ADARB2: variants seen among roughly 807,000 people sequenced by gnomAD.
ADARB2 encodes inactive double-stranded RNA-specific editase B2.
A neutral mutation model predicts 62.2 loss-of-function variants in ADARB2; 25 were observed. That is an observed-to-expected ratio of 0.40 (90% confidence interval 0.29 to 0.56). The LOEUF (loss-of-function observed/expected upper bound fraction) is 0.56. ADARB2 is among the 20% of genes least tolerant of loss of function. The pLI is 0.43. For missense variants in ADARB2, 1,071 were observed against 1,077.4 expected (o/e 0.99, Z 0.08); for synonymous variants, 572 against 500.8 (o/e 1.14, Z -1.90).
At chr10:1,532,823 C>T (rs1832265365) in intron 1 of ADARB2, among the ~76,000 whole-genome samples, 1 of 152,136 alleles carries the variant, frequency 6.6e-6, no homozygotes, top group Admixed American at 6.5e-5. Flanking sequence ...GTGCAGGTGC[C>T]CGCAGGCGAG....
At chr10:1,458,035 A>C (rs1001487174) in intron 1 of ADARB2, among the ~76,000 whole-genome samples, 33 of 151,982 alleles carry the variant, frequency 2.2e-4, no homozygotes, top group Non-Finnish European at 4.3e-4. Context: ...TAAATATCGA[A>C]GTTCCCCAAA....
intron 1 of ADARB2, among the ~76,000 whole-genome samples, chr10:1,520,594 C>T (rs1832061366): frequency 6.6e-6 from 1 of 152,144 alleles, no homozygotes; most frequent in Admixed American, 6.5e-5. Context: ...TTGCTAATCA[C>T]CAAACTTGCA....
chr10:1,419,142 G>A (rs1462456988), intron 1 of ADARB2, among the ~76,000 whole-genome samples: 1 of 152,124 alleles, frequency 6.6e-6, no homozygotes, highest in Non-Finnish European at 1.5e-5. Context: ...TGCCCAGGCT[G>A]GAGCACAATG....
chr10:1,667,044 C>G (rs372863364), intron 1 of ADARB2, among the ~76,000 whole-genome samples: 1 of 152,106 alleles, frequency 6.6e-6, no homozygotes, highest in Non-Finnish European at 1.5e-5. Context: ...ACATCTGTAA[C>G]GGCAGTTGAC....
chr10:1,295,028 C>T (rs546845138), intron 3 of ADARB2, among the ~76,000 whole-genome samples: 17 of 152,308 alleles, frequency 1.1e-4, no homozygotes, highest in Admixed American at 2.6e-4. Context: ...TCTGCGGGAA[C>T]GGCCCACATC....
chr10:1,233,855 C>T lies in ADARB2; in HGVS notation c.1362-10G>A. 6.2e-7 allele frequency: 1 copy of T among 1,611,236 alleles called. No homozygotes were observed. Among genetic ancestry groups the T allele is most frequent in the East Asian group, 2.2e-5 (1 of 44,738 alleles). On this transcript the variant is annotated splice_polypyrimidine_tract_variant and intron_variant, in intron 5 of 9. Transcript: ENST00000381312. ...GTCCTCGCGCCGCTTGCTAGGGTCA[C>T]AAAGAGGTTTGGGGTCATTTATCAC...
At chr10:1,445,703 C>T (rs1048817923) in intron 1 of ADARB2, among the ~76,000 whole-genome samples, 16 of 152,126 alleles carry the variant, frequency 1.1e-4, no homozygotes, top group Admixed American at 7.9e-4. Flanking sequence ...TAGGAGAATA[C>T]GCTTTCAGTG....
At position 1,183,179 on chromosome 10, in the gene ADARB2, C is replaced by T; in HGVS notation, c.*14G>A. The T allele has an allele frequency of 6.2e-7, 1 of 1,610,536 alleles. No homozygotes were observed. The highest frequency in any genetic ancestry group is 2.2e-5 in the East Asian group (1 of 44,834). On this transcript the variant is annotated 3_prime_UTR_variant, in exon 10 of 10. Transcript: ENST00000381312. ...CAGCGTCCCGCTCAGCTCCAGCAGC[C>T]AGGAGCCCGCAGCCTAGAGAGTCAG...
chr10:1,326,770 C>T (rs1265641079), intron 3 of ADARB2, among the ~76,000 whole-genome samples: 5 of 138,366 alleles, frequency 3.6e-5, no homozygotes, highest in African/African-American at 1.3e-4. Context: ...CCTCTGGTAG[C>T]ACAGCCCCTC....
chr10:1,578,430 G>A (rs2813381), intron 1 of ADARB2, among the ~76,000 whole-genome samples: 30,353 of 152,124 alleles, frequency 0.2, 3,047 homozygotes, highest in Non-Finnish European at 0.22. Context: ...TGAAACCTGC[G>A]TGAGGCTTTA....
In ADARB2 at chr10:1,217,121, T is replaced by G. The variant is rs1830636466; in HGVS notation, c.1514-2A>C. The stretch of plus-strand genomic sequence containing the variant: ...TGACGAGGTGTTTGCTGCTGTGCAC[T>G]AGGAGATAAAAGGGCGGGGAGGGGT... On this transcript the variant is annotated splice_acceptor_variant, in intron 6 of 9. Coordinates refer to ENST00000381312, the MANE Select transcript of ADARB2 (RefSeq NM_018702.4). LOFTEE classifies it high-confidence loss of function. The G allele has an allele frequency of 1.3e-6, 2 of 1,585,520 alleles. No individual in the cohort carries two copies. The highest frequency in any genetic ancestry group is 1.7e-6 in the Non-Finnish European group (2 of 1,165,660).
chr10:1,452,823 A>AC (rs1564293293), intron 1 of ADARB2, among the ~76,000 whole-genome samples: 1 of 151,212 alleles, frequency 6.6e-6, no homozygotes, highest in African/African-American at 2.4e-5. Context: ...ATGAAAAAAA[A>AC]CCTTTTGTAT....
At chr10:1,304,938 T>C (rs1831612005) in intron 3 of ADARB2, among the ~76,000 whole-genome samples, 3 of 121,242 alleles carry the variant, frequency 2.5e-5, no homozygotes, top group Non-Finnish European at 5.5e-5. Context: ...AGATCCAAAA[T>C]TGACACCCTA....
intron 3 of ADARB2, among the ~76,000 whole-genome samples, chr10:1,303,253 C>A (rs972117111): frequency 1.3e-5 from 2 of 151,754 alleles, no homozygotes; most frequent in African/African-American, 4.8e-5. Flanking sequence ...GGAGCCGATG[C>A]GATCAACTGG....
intron 1 of ADARB2, among the ~76,000 whole-genome samples, chr10:1,581,544 C>A (rs1833098999): frequency 6.6e-6 from 1 of 152,194 alleles, no homozygotes. Flanking sequence ...TGTACGTAAA[C>A]CTGTAGAATG....
chr10:1,521,206 C>T (rs1294754865), intron 1 of ADARB2, among the ~76,000 whole-genome samples: 4 of 152,096 alleles, frequency 2.6e-5, no homozygotes, highest in African/African-American at 2.4e-5. Flanking sequence ...CTGTTTATGA[C>T]GGGCATGGCA....
At position 1,544,009 on chromosome 10, in the gene ADARB2, AAAAAC is replaced by A. The variant is rs1340122796; in HGVS notation, c.101-164854_101-164850del. On this transcript the variant is annotated intron_variant, in intron 1 of 9. Coordinates refer to ENST00000381312, the MANE Select transcript of ADARB2 (RefSeq NM_018702.4). Reference sequence around the variant, plus strand: ...GAATGGCAGGTGACCAAAAAAAAAAAAAAACAAACAAAAAAAAAAACACACAAAAT... The same window carrying A: ...GAATGGCAGGTGACCAAAAAAAAAAAAAACAAAAAAAAAAACACACAAAAT... 0.019 allele frequency among the ~76,000 whole-genome samples: 450 copies of A among 23,320 alleles called. 6 individuals carry two copies. In the East Asian group the frequency reaches 0.21, roughly 11 times the overall value. The allele number at this position is 23,320 out of a possible 152,430, so 15.3% of individuals were successfully genotyped here.
At chr10:1,718,470 T>C (rs1329790141) in intron 1 of ADARB2, among the ~76,000 whole-genome samples, 1 of 152,204 alleles carries the variant, frequency 6.6e-6, no homozygotes, top group African/African-American at 2.4e-5. Flanking sequence ...ACCCGAAATG[T>C]CACCCTTGCC....
rs999550731 is a variant in ADARB2, at chr10:1,190,035, C to T, written c.1865-4996G>A. On this transcript the variant is annotated intron_variant, in intron 8 of 9. Transcript: ENST00000381312. ...GTGAAAGGTGCCAACAGACCTGTGG[C>T]GATTGAGGGACAGAGCCTGTGTCGT... is the stretch of plus-strand genomic sequence containing the variant. 3.3e-5 allele frequency among the ~76,000 whole-genome samples: 5 copies of T among 152,072 alleles called. No homozygotes were observed. In the East Asian group the frequency reaches 5.8e-4, roughly 18 times the overall value.
Sources: gnomAD v4.1 joint callset for allele counts (sites outside exome capture counted in the v4.1 genomes callset) on GRCh38, gnomAD v4.1.1 for gene constraint, MANE v1.5 for transcripts, NCBI Gene and HGNC (gene_info 2026-07-23, HGNC 2026-07-21) for gene names.